The following ABLIM2 variants were observed in gnomAD, a reference collection of about 807,000 sequenced individuals.
ABLIM2 encodes actin-binding LIM protein 2.
ABLIM2 carries 53 observed loss-of-function variants against 97.7 expected under a neutral mutation model. The observed-to-expected ratio is 0.54, with a 90% CI of 0.44 to 0.68. The LOEUF is 0.68. ABLIM2 is among the 30% of genes least tolerant of loss of function. The probability of loss-of-function intolerance (pLI) is 0.00; values close to 1 mark genes in which losing one functional copy is unlikely to be tolerated. For missense variants in ABLIM2, 835 were observed against 867.2 expected, an observed-to-expected ratio of 0.96 and a Z score of 0.47; for synonymous variants, 361 against 345.8, an observed-to-expected ratio of 1.04 and a Z score of -0.49.
intron 1 of ABLIM2, among the ~76,000 whole-genome samples, chr4:8,107,978 A>G (rs1323893826): frequency 6.6e-6 from 1 of 152,232 alleles, no homozygotes; most frequent in Non-Finnish European, 1.5e-5. Context: ...CTTGGGAACT[A>G]GAAAAGGCAA....
intron 16 of ABLIM2, among the ~76,000 whole-genome samples, chr4:8,000,814 A>G (rs2150182664): frequency 6.6e-6 from 1 of 152,276 alleles, no homozygotes; most frequent in South Asian, 2.1e-4. Context: ...CTAAGAGTCC[A>G]TGGGGAGAAA....
intron 14 of ABLIM2, among the ~76,000 whole-genome samples, chr4:8,014,805 G>T (rs1162962600): frequency 1.3e-5 from 2 of 152,224 alleles, no homozygotes; most frequent in Non-Finnish European, 2.9e-5. Flanking sequence ...GATGGAAAAA[G>T]ACTGCAGAGG....
At position 8,009,097 on chromosome 4, in the gene ABLIM2, T is replaced by G. The variant is rs34237203; in HGVS notation, c.1429A>C (p.Arg477=). 8.5e-4 allele frequency: 1,377 copies of G among 1,614,044 alleles called. 7 individuals are homozygous for G. In the African/African-American group the frequency reaches 0.016, roughly 19 times the overall value. Residue 477 remains arginine, a synonymous_variant, in exon 15 of 21, where the codon AGG becomes CGG. Coordinates refer to ENST00000447017, the MANE Select transcript of ABLIM2 (RefSeq NM_001130083.2). ...KPPIYRQHAA[R]RSDGEDGSLD... is the part of the protein sequence containing the mutation. The stretch of plus-strand genomic sequence containing the variant: ...CTTCCATCCTCCCCATCCGATCGCC[T>G]GGCAGCTGGAAGGGAAAAATCCATT...
intron 4 of ABLIM2, 126 bp downstream of exon 4, chr4:8,088,043 G>T: frequency 3.1e-6 from 1 of 321,914 alleles, no homozygotes; most frequent in Non-Finnish European, 5.0e-6. Flanking sequence ...CCCCCACTCA[G>T]CGCCCCCCAG....
chr4:8,044,794 C>T lies in ABLIM2; in HGVS notation c.900+370G>A, dbSNP rs564062597. 7.4e-4 allele frequency among the ~76,000 whole-genome samples: 112 copies of T among 152,204 alleles called. No individual in the cohort carries two copies. Among genetic ancestry groups the T allele is most frequent in the African/African-American group, 1.3e-3 (56 of 41,508 alleles). On this transcript the variant is annotated intron_variant, in intron 9 of 20. Coordinates refer to ENST00000447017, the MANE Select transcript of ABLIM2 (RefSeq NM_001130083.2). The surrounding 1 kb of genome is among the most constrained non-coding windows in gnomAD (Gnocchi z 4.4). ...CGTGTTGATGTACACAGATCCGTGCCGTTATTTGCAAACTCTGCAGGGTCC... is the reference window on the plus strand; with the variant it reads ...CGTGTTGATGTACACAGATCCGTGCTGTTATTTGCAAACTCTGCAGGGTCC...
In ABLIM2 at chr4:8,008,964, T is replaced by G. The variant is rs1323160922; in HGVS notation, c.1476+86A>C. ...AAGGAACAGAATGTAAGAGGAAGAT[T>G]CGAAGTCTCAATCGGAGAAGCCCTC... is the stretch of plus-strand genomic sequence containing the variant. On this transcript the variant is annotated intron_variant, in intron 15 of 20. Coordinates refer to ENST00000447017, the MANE Select transcript of ABLIM2 (RefSeq NM_001130083.2). 2.7e-6 allele frequency: 4 copies of G among 1,488,662 alleles called. No individual in the cohort carries two copies. In the East Asian group the frequency reaches 9.0e-5, roughly 34 times the overall value. The allele number at this position is 1,488,662 out of a possible 1,614,324, so 92.2% of individuals were successfully genotyped here. A position where few individuals can be genotyped will look rare whatever the true frequency, so the allele number is the denominator to read the frequency against.
rs1489074104 is a variant in ABLIM2, at chr4:8,147,559, G to A, written c.10+11121C>T. 2.0e-5 allele frequency among the ~76,000 whole-genome samples: 3 copies of A among 152,154 alleles called. No individual in the cohort carries two copies. The highest frequency in any genetic ancestry group is 4.8e-5 in the African/African-American group (2 of 41,434). ...AGAGTCCTTATGGGGAGGAGGGAGCGGGAGACGACACACACAGGGGAGAAG... is the reference window on the plus strand; with the variant it reads ...AGAGTCCTTATGGGGAGGAGGGAGCAGGAGACGACACACACAGGGGAGAAG... On this transcript the variant is annotated intron_variant, in intron 1 of 20. Coordinates refer to ENST00000447017, the MANE Select transcript of ABLIM2 (RefSeq NM_001130083.2). The surrounding 1 kb of genome is among the most constrained non-coding windows in gnomAD (Gnocchi z 5.3).
At chr4:8,091,875 T>A (rs1310978859) in intron 3 of ABLIM2, among the ~76,000 whole-genome samples, 1 of 114,764 alleles carries the variant, frequency 8.7e-6, no homozygotes, top group Non-Finnish European at 1.7e-5. Context: ...ATATACAATA[T>A]ATATTATAAT....
chr4:8,143,162 G>GC lies in ABLIM2; in HGVS notation c.10+15517_10+15518insG, dbSNP rs976029038. Among the ~76,000 whole-genome samples the GC allele has an allele frequency of 8.1e-5, 12 of 148,630 alleles. No individual in the cohort carries two copies. In the East Asian group the frequency reaches 2.0e-3, roughly 24 times the overall value. On this transcript the variant is annotated intron_variant, in intron 1 of 20. Transcript: ENST00000447017. ...ATACTGGGAGCGGGGGCGAGAGTGG[G>GC]GGGGGGGGGCGTCTGCAAATGCATC...
At position 8,124,306 on chromosome 4, in the gene ABLIM2, T is replaced by C. The variant is rs1172399940; in HGVS notation, c.11-17669A>G. Among the ~76,000 whole-genome samples, 1 of 152,242 alleles carries C rather than the reference T, an allele frequency of 6.6e-6. No individual in the cohort carries two copies. The highest frequency in any genetic ancestry group is 6.5e-5 in the Admixed American group (1 of 15,290). On this transcript the variant is annotated intron_variant, in intron 1 of 20. Coordinates refer to ENST00000447017, the MANE Select transcript of ABLIM2 (RefSeq NM_001130083.2). The surrounding 1 kb of genome is among the most constrained non-coding windows in gnomAD (Gnocchi z 6.1). ...AGCCGTACAATTTGCCTGTTTGGAATGCACACTCAATGGCTTTTGGTATTT... is the reference window on the plus strand; with the variant it reads ...AGCCGTACAATTTGCCTGTTTGGAACGCACACTCAATGGCTTTTGGTATTT...
intron 1 of ABLIM2, among the ~76,000 whole-genome samples, chr4:8,121,995 T>C (rs1255690473): frequency 6.6e-6 from 1 of 152,176 alleles, no homozygotes; most frequent in Non-Finnish European, 1.5e-5. Flanking sequence ...TGGGAGGAGC[T>C]GAGGGGCTGA....
Position 8,072,281 on chromosome 4 carries a change from G to A in ABLIM2, c.675+5347C>T, listed in dbSNP as rs935867956. Among the ~76,000 whole-genome samples the A allele has an allele frequency of 2.6e-5, 4 of 152,130 alleles. No homozygotes were observed. Among genetic ancestry groups the A allele is most frequent in the Non-Finnish European group, 5.9e-5 (4 of 68,040 alleles). ...ATTAAATATCAGGGATGCTTACATT[G>A]CAGACATGGGACGCTTGCCTCCCAA... is the stretch of plus-strand genomic sequence containing the variant. On this transcript the variant is annotated intron_variant, in intron 6 of 20. Coordinates refer to ENST00000447017, the MANE Select transcript of ABLIM2 (RefSeq NM_001130083.2). The surrounding 1 kb of genome is among the most constrained non-coding windows in gnomAD (Gnocchi z 5.8).
chr4:8,006,893 T>C (rs1365883167), intron 16 of ABLIM2: 4 of 506,360 alleles, frequency 7.9e-6, no homozygotes, highest in African/African-American at 2.1e-5. Flanking sequence ...GGGGTGGCTT[T>C]CCCATGGTGA....
At chr4:7,982,368 G>A (rs1299392106) in intron 20 of ABLIM2, among the ~76,000 whole-genome samples, 1 of 152,244 alleles carries the variant, frequency 6.6e-6, no homozygotes, top group African/African-American at 2.4e-5. Flanking sequence ...TAGCAAGAGA[G>A]TCTACTGAAA....
chr4:8,050,764 C>A lies in ABLIM2; in HGVS notation c.822+3424G>T, dbSNP rs190433278. Among the ~76,000 whole-genome samples the A allele has an allele frequency of 2.1e-3, 320 of 152,328 alleles. 1 individual carries two copies. The highest frequency in any genetic ancestry group is 9.1e-3 in the South Asian group (44 of 4,832). ...TCCGGACAGTTAGCTCCAAGGGGACCGAGATGTGTATGAGAACCATTAGGC... is the reference window on the plus strand; with the variant it reads ...TCCGGACAGTTAGCTCCAAGGGGACAGAGATGTGTATGAGAACCATTAGGC... On this transcript the variant is annotated intron_variant, in intron 8 of 20. Transcript: ENST00000447017.
intron 1 of ABLIM2, among the ~76,000 whole-genome samples, chr4:8,107,919 C>A (rs996451803): frequency 1.3e-5 from 2 of 152,160 alleles, no homozygotes; most frequent in Non-Finnish European, 2.9e-5. Context: ...TGACACATTG[C>A]TGGCTTTGAA....
At chr4:7,979,773 A>G (rs1736544961) in intron 20 of ABLIM2, among the ~76,000 whole-genome samples, 1 of 152,218 alleles carries the variant, frequency 6.6e-6, no homozygotes, top group African/African-American at 2.4e-5. Context: ...CTGTTAGCCC[A>G]GGCACGGGCC....
At chr4:8,020,474 C>G (rs541951820) in intron 12 of ABLIM2, 171 bp from the exon 13 acceptor site, 1 of 708,702 alleles carries the variant, frequency 1.4e-6, no homozygotes, top group African/African-American at 1.7e-5. Context: ...CGTTCCCAGA[C>G]TGTGTCCAAG....
chr4:8,127,773 A>G lies in ABLIM2; in HGVS notation c.11-21136T>C, dbSNP rs902738051. ...AGCCCTTCCCGGCACACTGAAATAG[A>G]CTCCCGCCACACTATGCGCCAGAGA... On this transcript the variant is annotated intron_variant, in intron 1 of 20. Transcript: ENST00000447017. This position sits in a 1 kb window ranked among gnomAD's most constrained non-coding sequence, Gnocchi z 7.3. The G allele has an allele frequency of 2.2e-6, 2 of 917,222 alleles. No individual in the cohort carries two copies. Among genetic ancestry groups the G allele is most frequent in the East Asian group, 1.3e-4 (1 of 7,754 alleles). The allele number at this position is 917,222 out of a possible 1,614,324, so 56.8% of individuals were successfully genotyped here.
Sources: gnomAD v4.1 joint callset for allele counts (sites outside exome capture counted in the v4.1 genomes callset) on GRCh38, gnomAD v4.1.1 for gene constraint, Gnocchi (gnomAD v3.1) non-coding constraint, MANE v1.5 for transcripts, NCBI Gene and HGNC (gene_info 2026-07-23, HGNC 2026-07-21) for gene names.